GMDS: variants seen among roughly 807,000 people sequenced by gnomAD.
The protein encoded by GMDS is GDP-mannose 4,6-dehydratase.
A neutral mutation model predicts 49.9 loss-of-function variants in GMDS; 20 were observed. That is an observed-to-expected ratio of 0.40 (90% CI 0.28 to 0.58). GMDS has a LOEUF of 0.58. Among genes scored for constraint, GMDS ranks in the 20% least tolerant of loss-of-function variants. The pLI, the probability that GMDS is intolerant of heterozygous loss-of-function variation, is 0.42. For missense variants in GMDS, 362 were observed against 481.4 expected (o/e 0.75, Z 2.32); for synonymous variants, 177 against 178.6 (o/e 0.99, Z 0.07).
chr6:2,163,066 C>T (rs1283321570), intron 1 of GMDS, among the ~76,000 whole-genome samples: 1 of 152,148 alleles, frequency 6.6e-6, no homozygotes, highest in Non-Finnish European at 1.5e-5. Flanking sequence ...TGTAAACTGT[C>T]GTAAGGAAAG....
intron 7 of GMDS, among the ~76,000 whole-genome samples, chr6:1,791,750 T>C (rs1341371966): frequency 6.6e-6 from 1 of 152,236 alleles, no homozygotes; most frequent in Non-Finnish European, 1.5e-5. Flanking sequence ...TTAGGAAAGA[T>C]TAAACCTGAA....
At chr6:1,952,325 T>A (rs944266921) in intron 6 of GMDS, among the ~76,000 whole-genome samples, 23 of 152,226 alleles carry the variant, frequency 1.5e-4, no homozygotes, top group Non-Finnish European at 2.9e-4. Context: ...ATGAATTTCA[T>A]TTCCACATAC....
At chr6:1,934,626 TTTTTA>T (rs1220421730) in intron 6 of GMDS, among the ~76,000 whole-genome samples, 5 of 152,214 alleles carry the variant, frequency 3.3e-5, no homozygotes, top group Admixed American at 3.3e-4. Flanking sequence ...ACTTTATTCT[TTTTTA>T]TTTTATTATA....
chr6:1,722,062 CTTTTTT>C (rs11356149), intron 9 of GMDS, among the ~76,000 whole-genome samples: 11 of 80,234 alleles, frequency 1.4e-4, no homozygotes, highest in Non-Finnish European at 2.3e-4. Flanking sequence ...GCTATCACGT[CTTTTTT>C]TTTTTTTTTT....
At chr6:2,067,732 G>C (rs981439322) in intron 4 of GMDS, among the ~76,000 whole-genome samples, 3 of 152,130 alleles carry the variant, frequency 2.0e-5, no homozygotes, top group African/African-American at 7.2e-5. Context: ...TTGAATCTCT[G>C]AATAGACCAA....
intron 7 of GMDS, among the ~76,000 whole-genome samples, chr6:1,889,284 C>G (rs1759761983): frequency 6.6e-6 from 1 of 152,178 alleles, no homozygotes; most frequent in African/African-American, 2.4e-5. Flanking sequence ...CATTCCATAG[C>G]ATTTCCCTTT....
chr6:1,724,758 G>C (rs1048204596), intron 9 of GMDS, among the ~76,000 whole-genome samples: 3 of 152,200 alleles, frequency 2.0e-5, no homozygotes, highest in Non-Finnish European at 4.4e-5. Context: ...TCCCTGCTAT[G>C]TCAGCACAGC....
At chr6:1,854,438 C>T (rs957103543) in intron 7 of GMDS, among the ~76,000 whole-genome samples, 8 of 152,204 alleles carry the variant, frequency 5.3e-5, no homozygotes, top group African/African-American at 1.7e-4. Flanking sequence ...TGTCCTCCAG[C>T]ACTATTTAGC....
At chr6:1,742,400 A>C in intron 8 of GMDS, 68 bp downstream of exon 8, 1 of 840,282 alleles carries the variant, frequency 1.2e-6, no homozygotes, top group Non-Finnish European at 2.0e-6. Flanking sequence ...GCCAGAACCG[A>C]GGCTTCAGCA....
chr6:1,677,180 T>C (rs937120631), intron 9 of GMDS, among the ~76,000 whole-genome samples: 1 of 152,228 alleles, frequency 6.6e-6, no homozygotes, highest in South Asian at 2.1e-4. Context: ...CATGAAAAAA[T>C]GCTCATCATC....
At chr6:1,748,212 A>AAG (rs1166903623) in intron 7 of GMDS, among the ~76,000 whole-genome samples, 1 of 152,218 alleles carries the variant, frequency 6.6e-6, no homozygotes, top group Non-Finnish European at 1.5e-5. Context: ...TGTGTTAATC[A>AAG]TTCTGAATCA....
intron 7 of GMDS, among the ~76,000 whole-genome samples, chr6:1,898,140 T>A (rs2181633): frequency 0.094 from 1,533 of 16,294 alleles, 235 homozygotes; most frequent in Middle Eastern, 0.33. Flanking sequence ...TACCCTGGCC[T>A]CCCTTGCCAT....
chr6:2,191,361 G>A lies in GMDS; in HGVS notation c.102+53960C>T, dbSNP rs1779009262. 6.6e-6 allele frequency among the ~76,000 whole-genome samples: 1 copy of A among 152,126 alleles called. No homozygotes were observed. The highest frequency in any genetic ancestry group is 2.4e-5 in the African/African-American group (1 of 41,436). ...TGGACACCAGCCCAGGCCCAGCAAG[G>A]ACCTAGAGCCCCCAGGCTGCAAGGG... On this transcript the variant is annotated intron_variant, in intron 1 of 10. Coordinates refer to ENST00000380815, the MANE Select transcript of GMDS (RefSeq NM_001500.4). The surrounding 1 kb of genome is among the most constrained non-coding windows in gnomAD (Gnocchi z 4.6).
At chr6:1,688,400 G>A (rs1765059073) in intron 9 of GMDS, among the ~76,000 whole-genome samples, 1 of 152,210 alleles carries the variant, frequency 6.6e-6, no homozygotes, top group African/African-American at 2.4e-5. Flanking sequence ...CGTGCTGTGT[G>A]GAATACAAGC....
intron 9 of GMDS, among the ~76,000 whole-genome samples, chr6:1,658,983 T>C (rs1456857890): frequency 6.6e-6 from 1 of 152,144 alleles, no homozygotes. Context: ...TTGAGTTTAA[T>C]AGGAAAAAAA....
intron 1 of GMDS, among the ~76,000 whole-genome samples, chr6:2,198,564 A>C (rs1428761348): frequency 6.6e-6 from 1 of 152,170 alleles, no homozygotes; most frequent in Admixed American, 6.5e-5. Context: ...AATAAACAAA[A>C]AAAAAAAAAC....
At chr6:1,678,112 T>G (rs1764681081) in intron 9 of GMDS, among the ~76,000 whole-genome samples, 3 of 152,186 alleles carry the variant, frequency 2.0e-5, no homozygotes, top group Non-Finnish European at 4.4e-5. Context: ...GATCAAAAAC[T>G]CTTGGTGGCC....
At chr6:1,818,273 C>T (rs895013535) in intron 7 of GMDS, among the ~76,000 whole-genome samples, 7 of 152,000 alleles carry the variant, frequency 4.6e-5, no homozygotes, top group African/African-American at 9.7e-5. Flanking sequence ...TATCAAAACA[C>T]GTTTTTCTAA....
intron 4 of GMDS, among the ~76,000 whole-genome samples, chr6:1,965,717 C>A (rs1764224495): frequency 1.3e-5 from 2 of 152,054 alleles, no homozygotes; most frequent in Admixed American, 1.3e-4. Flanking sequence ...CCAGTGGTCC[C>A]AGCTACTCAA....
Sources: allele counts gnomAD v4.1 joint callset (sites outside exome capture counted in the v4.1 genomes callset), GRCh38; gene constraint gnomAD v4.1.1; non-coding constraint Gnocchi (gnomAD v3.1); transcripts MANE v1.5; gene names NCBI Gene and HGNC (gene_info 2026-07-23, HGNC 2026-07-21).